Variants in RANBP2 observed in about 807,000 individuals in gnomAD.
RANBP2 encodes RAN binding protein 2.
Under a neutral mutation model 303.6 loss-of-function variants are expected in RANBP2, and 57 were observed. The observed-to-expected ratio is 0.19, with a 90% CI of 0.15 to 0.23. The LOEUF is 0.23. RANBP2 is among the 10% of genes least tolerant of loss of function. The pLI is 1.00. For synonymous variants in RANBP2, 1,167 were observed against 1,301.5 expected, an observed-to-expected ratio of 0.90 and a Z score of 2.23; for missense variants, 3,138 against 3,780.8, an observed-to-expected ratio of 0.83 and a Z score of 4.46.
At chr2:109,669,122 T>C in the RANBP2 span, among the ~76,000 whole-genome samples, 2 of 151,606 alleles carry the variant, frequency 1.3e-5, no homozygotes, top group African/African-American at 4.8e-5. Flanking sequence ...TGGGGAAACG[T>C]CATGCACAAG....
At chr2:108,935,060 T>C in the RANBP2 span, among the ~76,000 whole-genome samples, 1 of 152,214 alleles carries the variant, frequency 6.6e-6, no homozygotes, top group Non-Finnish European at 1.5e-5. Flanking sequence ...CCTGTAGGCA[T>C]TTCATGATAT....
At chr2:109,440,536 A>G in the RANBP2 span, among the ~76,000 whole-genome samples, 481 of 152,334 alleles carry the variant, frequency 3.2e-3, 1 homozygote, top group Non-Finnish European at 4.7e-3. Context: ...GCTTATGGCC[A>G]ATCTGAAGTG....
At chr2:109,628,496 AAAATAATAAATAAAT>A in the RANBP2 span, among the ~76,000 whole-genome samples, 27 of 133,816 alleles carry the variant, frequency 2.0e-4, 1 homozygote, top group Middle Eastern at 0.029. Flanking sequence ...TCTGTCTCAA[AAAATAATAAATAAAT>A]AAATAAATAA....
the RANBP2 span, among the ~76,000 whole-genome samples, chr2:109,036,512 A>G: frequency 6.6e-6 from 1 of 152,200 alleles, no homozygotes; most frequent in Non-Finnish European, 1.5e-5. Context: ...GATTTATTCC[A>G]TATATGCAAG....
chr2:109,285,051 C>T, the RANBP2 span, among the ~76,000 whole-genome samples: 2 of 152,206 alleles, frequency 1.3e-5, no homozygotes, highest in African/African-American at 2.4e-5. Flanking sequence ...GCTCCATGGC[C>T]GGCCACACAG....
chr2:108,786,812 T>C, downstream of RANBP2: 1 of 1,583,620 alleles, frequency 6.3e-7, no homozygotes, highest in Non-Finnish European at 8.6e-7. Flanking sequence ...CTGGTACGGT[T>C]GCTGTGTGCT....
chr2:108,873,876 CT>C, the RANBP2 span, among the ~76,000 whole-genome samples: 3 of 152,224 alleles, frequency 2.0e-5, no homozygotes, highest in South Asian at 6.2e-4. Flanking sequence ...TGATTTAGAC[CT>C]TTCTGAATCC....
chr2:109,338,886 G>A, the RANBP2 span, among the ~76,000 whole-genome samples: 3 of 151,198 alleles, frequency 2.0e-5, no homozygotes, highest in Non-Finnish European at 4.4e-5. Flanking sequence ...ACTCCTAAGA[G>A]CTTACTGTTG....
chr2:108,953,316 C>T, the RANBP2 span, among the ~76,000 whole-genome samples: 1 of 152,126 alleles, frequency 6.6e-6, no homozygotes, highest in Non-Finnish European at 1.5e-5. Flanking sequence ...CAAGACCCAC[C>T]GGTAAACTTC....
chr2:108,856,033 T>G, the RANBP2 span, among the ~76,000 whole-genome samples: 1 of 152,200 alleles, frequency 6.6e-6, no homozygotes, highest in African/African-American at 2.4e-5. Flanking sequence ...AAGACTGCTG[T>G]AAGAGTAGGG....
Position 108,764,482 on chromosome 2 carries a change from G to T in RANBP2, c.3943G>T (p.Ala1315Ser). Residue 1315 changes from alanine (A) to serine (S), a missense_variant, in exon 20 of 29, where the codon GCG becomes TCG. Transcript: ENST00000283195. ...AGCCCCAGGAACAAATGTAGCCATG[G>T]CGTCAAATCAGGCTGTCAGAATTGT... ...LKAPGTNVAM[A>S]SNQAVRIVKE... is the part of the protein sequence containing the mutation. 6.2e-7 allele frequency: 1 copy of T among 1,613,976 alleles called. No homozygotes were observed. The highest frequency in any genetic ancestry group is 1.1e-5 in the South Asian group (1 of 91,068).
the RANBP2 span, chr2:109,616,150 G>A: frequency 3.6e-6 from 5 of 1,404,750 alleles, no homozygotes; most frequent in African/African-American, 2.9e-5. Context: ...GAGACCAGAA[G>A]GACAAGCTAA....
At chr2:109,189,881 G>A in the RANBP2 span, among the ~76,000 whole-genome samples, 1 of 152,152 alleles carries the variant, frequency 6.6e-6, no homozygotes, top group Non-Finnish European at 1.5e-5. Flanking sequence ...GTTGGCATAA[G>A]GTTGGAGCGA....
At chr2:109,585,095 A>T in the RANBP2 span, 1 of 1,417,216 alleles carries the variant, frequency 7.1e-7, no homozygotes, top group Non-Finnish European at 9.5e-7. Context: ...AATAAGAAAA[A>T]CTTGTTTTAT....
the RANBP2 span, among the ~76,000 whole-genome samples, chr2:109,481,784 G>A: frequency 2.0e-5 from 3 of 152,180 alleles, no homozygotes; most frequent in Non-Finnish European, 2.9e-5. Flanking sequence ...CCTCTGCACC[G>A]AGACAACTGC....
chr2:108,975,877 A>G, the RANBP2 span, among the ~76,000 whole-genome samples: 1 of 152,174 alleles, frequency 6.6e-6, no homozygotes, highest in Admixed American at 6.5e-5. Context: ...GATGGTGGAA[A>G]GGGCAGGGCA....
At chr2:108,736,484 A>AAATT in intron 6 of RANBP2, among the ~76,000 whole-genome samples, 1 of 152,200 alleles carries the variant, frequency 6.6e-6, no homozygotes, top group Non-Finnish European at 1.5e-5. Flanking sequence ...AGCTTGATTA[A>AAATT]AATTAGCCTT....
the RANBP2 span, among the ~76,000 whole-genome samples, chr2:109,268,809 GT>G: frequency 6.6e-6 from 1 of 152,112 alleles, no homozygotes; most frequent in Non-Finnish European, 1.5e-5. Flanking sequence ...TTCTGAGCAT[GT>G]TTAAGGTGAG....
chr2:109,241,538 C>T, the RANBP2 span, among the ~76,000 whole-genome samples: 16 of 152,132 alleles, frequency 1.1e-4, no homozygotes, highest in Admixed American at 3.9e-4. Context: ...TATAACCATC[C>T]GTCCTCCCTC....
Sources: gnomAD v4.1 joint callset for allele counts (sites outside exome capture counted in the v4.1 genomes callset) on GRCh38, gnomAD v4.1.1 for gene constraint, MANE v1.5 for transcripts, NCBI Gene and HGNC (gene_info 2026-07-23, HGNC 2026-07-21) for gene names.